The following TNPO1 variants were observed in gnomAD, a reference collection of about 807,000 sequenced individuals.
The protein encoded by TNPO1 is transportin-1.
A neutral mutation model predicts 119.5 loss-of-function variants in TNPO1; 8 were observed. The ratio of observed to expected loss-of-function variants is 0.07; its 90% CI spans 0.04 to 0.12. The LOEUF is 0.12. TNPO1 is among the 10% of genes least tolerant of loss of function. The pLI is 1.00. For missense variants in TNPO1, 576 were observed against 1,089.8 expected (o/e 0.53, Z 6.64); for synonymous variants, 362 against 363.0 (o/e 1.00, Z 0.03).
chr5:72,828,082 T>A (rs955294229), intron 1 of TNPO1, among the ~76,000 whole-genome samples: 1 of 151,650 alleles, frequency 6.6e-6, no homozygotes, highest in Non-Finnish European at 1.5e-5. Context: ...TAGAAGGGGG[T>A]CTAGGATATT....
intron 1 of TNPO1, among the ~76,000 whole-genome samples, chr5:72,822,929 T>C (rs1440253612): frequency 1.3e-5 from 2 of 149,530 alleles, no homozygotes; most frequent in African/African-American, 4.9e-5. Flanking sequence ...TTTTTTTTTT[T>C]TTTGGAGACA....
At chr5:72,860,522 A>G (rs944169235) in intron 4 of TNPO1, among the ~76,000 whole-genome samples, 1 of 152,186 alleles carries the variant, frequency 6.6e-6, no homozygotes, top group African/African-American at 2.4e-5. Context: ...GACTATCACA[A>G]CTCTACTGCA....
rs548408038 is a variant in TNPO1, at chr5:72,836,033, C to T, written c.16-12352C>T. ...CCCAAGTCTCCAGGTCACCCTGTCC[C>T]CATGGCTTTGCTGGGCACAGCCTAT... On this transcript the variant is annotated intron_variant, in intron 1 of 24. Coordinates refer to ENST00000337273, the MANE Select transcript of TNPO1 (RefSeq NM_002270.4). Among the ~76,000 whole-genome samples the T allele has an allele frequency of 2.7e-4, 41 of 152,372 alleles. 1 individual carries two copies. In the South Asian group the frequency reaches 8.1e-3, roughly 30 times the overall value.
rs182042718 is a variant in TNPO1 at position 72,841,455 on chromosome 5, A to G, written c.16-6930A>G. Among the ~76,000 whole-genome samples the G allele has an allele frequency of 2.0e-3, 301 of 151,486 alleles. 3 individuals are homozygous for G. Among genetic ancestry groups the G allele is most frequent in the African/African-American group, 7.1e-3 (291 of 41,226 alleles). ...TTTTTTCCACCTCCCAGGTTCAAGCAATTCTCATGCCTCAGCCTCCTAAGT... is the reference window on the plus strand; with the variant it reads ...TTTTTTCCACCTCCCAGGTTCAAGCGATTCTCATGCCTCAGCCTCCTAAGT... On this transcript the variant is annotated intron_variant, in intron 1 of 24. Transcript: ENST00000337273.
chr5:72,824,426 C>T (rs1744116086), intron 1 of TNPO1, among the ~76,000 whole-genome samples: 1 of 152,200 alleles, frequency 6.6e-6, no homozygotes. Flanking sequence ...TCTTTGTCTG[C>T]ACCACTCCCA....
In TNPO1 at chr5:72,865,743, C is replaced by A; in HGVS notation, c.596+14C>A. The A allele has an allele frequency of 6.2e-7, 1 of 1,608,548 alleles. No homozygotes were observed. The highest frequency in any genetic ancestry group is 1.1e-5 in the South Asian group (1 of 89,958). ...TCCAAAAATAAGGTACTTATATTGC[C>A]AGTACTAATTGATTAACTGTGATAT... On this transcript the variant is annotated intron_variant, in intron 6 of 24. Transcript: ENST00000337273.
chr5:72,848,886 A>G (rs902544915), intron 2 of TNPO1, among the ~76,000 whole-genome samples: 2 of 151,292 alleles, frequency 1.3e-5, no homozygotes, highest in East Asian at 2.0e-4. Flanking sequence ...GGCCCACACA[A>G]TGCGCCCCGT....
intron 9 of TNPO1, chr5:72,879,014 C>G (rs1349105137): frequency 1.4e-5 from 6 of 417,892 alleles, no homozygotes; most frequent in South Asian, 5.6e-5. Context: ...CCAGGAGTCT[C>G]TGTGTTGTTC....
chr5:72,879,010 GTC>G (rs1748033967), intron 9 of TNPO1: 1 of 431,190 alleles, frequency 2.3e-6, no homozygotes. Flanking sequence ...GCCGCCAGGA[GTC>G]TCTGTGTTGT....
At chr5:72,817,798 C>G (rs972434710) in intron 1 of TNPO1, among the ~76,000 whole-genome samples, 1 of 152,218 alleles carries the variant, frequency 6.6e-6, no homozygotes, top group African/African-American at 2.4e-5. Flanking sequence ...TCCTGACGTA[C>G]TACTCACTTT....
chr5:72,839,375 T>A (rs754200000), intron 1 of TNPO1, among the ~76,000 whole-genome samples: 1 of 152,184 alleles, frequency 6.6e-6, no homozygotes, highest in Non-Finnish European at 1.5e-5. Flanking sequence ...CAGTTAAGGA[T>A]CATAATTTTC....
At position 72,897,087 on chromosome 5, in the gene TNPO1, G is replaced by A; in HGVS notation, c.2274G>A (p.Val758=). The A allele has an allele frequency of 1.2e-6, 2 of 1,611,480 alleles. No homozygotes were observed. Among genetic ancestry groups the A allele is most frequent in the Non-Finnish European group, 1.7e-6 (2 of 1,179,210 alleles). The change falls in exon 20 of 25, where the codon GTG becomes GTA. Residue 758 remains valine, a synonymous_variant. Coordinates refer to ENST00000337273, the MANE Select transcript of TNPO1 (RefSeq NM_002270.4). ...GIEMQPYIPM[V]LHQLVEIINR... Reference sequence around the variant, plus strand: ...AGATGCAGCCTTATATTCCTATGGTGTTGCACCAGCTTGTAGAAATCATTA... The same window carrying A: ...AGATGCAGCCTTATATTCCTATGGTATTGCACCAGCTTGTAGAAATCATTA...
At chr5:72,883,321 T>TA in intron 11 of TNPO1, 89 bp downstream of exon 11, 3 of 672,890 alleles carry the variant, frequency 4.5e-6, no homozygotes, top group Non-Finnish European at 8.1e-6. Context: ...TACTACCCAT[T>TA]AAAGTATACA....
chr5:72,906,278 T>C (rs1750153353), intron 24 of TNPO1, among the ~76,000 whole-genome samples: 1 of 50,330 alleles, frequency 2.0e-5, no homozygotes, highest in Non-Finnish European at 4.4e-5. Context: ...TTTTTTTCTT[T>C]TTTTTTTTTT....
intron 4 of TNPO1, among the ~76,000 whole-genome samples, chr5:72,857,719 TC>T (rs1158051713): frequency 2.0e-5 from 3 of 152,256 alleles, no homozygotes; most frequent in African/African-American, 7.2e-5. Flanking sequence ...TGAGATTGTT[TC>T]TTCCTAAACT....
chr5:72,828,266 G>A (rs540792330), intron 1 of TNPO1, among the ~76,000 whole-genome samples: 31 of 152,314 alleles, frequency 2.0e-4, no homozygotes, highest in African/African-American at 7.2e-4. Flanking sequence ...TCTCAGTGGA[G>A]TGGAGTACAA....
intron 23 of TNPO1, among the ~76,000 whole-genome samples, chr5:72,904,829 T>G (rs1750030434): frequency 6.6e-6 from 1 of 152,072 alleles, no homozygotes; most frequent in Non-Finnish European, 1.5e-5. Context: ...TGCCCAAGAC[T>G]GGGTAATTTA....
intron 1 of TNPO1, among the ~76,000 whole-genome samples, chr5:72,822,519 A>G (rs1197210869): frequency 6.6e-6 from 1 of 151,980 alleles, no homozygotes; most frequent in Non-Finnish European, 1.5e-5. Context: ...AGTCCTTGTT[A>G]GTAACCACAG....
chr5:72,903,583 A>T (rs1749938511), intron 22 of TNPO1, 126 bp from the exon 23 acceptor site: 12 of 638,832 alleles, frequency 1.9e-5, no homozygotes, highest in Non-Finnish European at 2.7e-5. Flanking sequence ...GATCATAGTT[A>T]ATTTTTAAAT....
Sources: allele counts gnomAD v4.1 joint callset (sites outside exome capture counted in the v4.1 genomes callset), GRCh38; gene constraint gnomAD v4.1.1; transcripts MANE v1.5; gene names NCBI Gene and HGNC (gene_info 2026-07-23, HGNC 2026-07-21).